ANKFN1: variants seen among roughly 807,000 people sequenced by gnomAD.
The protein encoded by ANKFN1 is ankyrin repeat and fibronectin type III domain containing 1.
ANKFN1 carries 74 observed loss-of-function variants against 108.7 expected under a neutral mutation model. The ratio of observed to expected loss-of-function variants is 0.68; its 90% confidence interval spans 0.56 to 0.83. The LOEUF (loss-of-function observed/expected upper bound fraction) is 0.83. ANKFN1 is among the 40% of genes least tolerant of loss of function. The pLI is 0.00. For synonymous variants in ANKFN1, 547 were observed against 516.2 expected (o/e 1.06, Z -0.81); for missense variants, 1,505 against 1,382.3 (o/e 1.09, Z -1.41).
chr17:56,413,573 C>T (rs2048157204), intron 8 of ANKFN1, among the ~76,000 whole-genome samples: 2 of 152,136 alleles, frequency 1.3e-5, no homozygotes, highest in South Asian at 2.1e-4. Flanking sequence ...TCATATTCAG[C>T]TCTTATTATT....
At chr17:56,084,137 G>A (rs750389645) in intron 4 of ANKFN1, among the ~76,000 whole-genome samples, 25 of 150,982 alleles carry the variant, frequency 1.7e-4, no homozygotes, top group Non-Finnish European at 7.4e-5. Context: ...GACTTCTATC[G>A]AAATTTCTCA....
At chr17:56,181,516 G>A (rs965965853) in intron 1 of ANKFN1, among the ~76,000 whole-genome samples, 4 of 152,110 alleles carry the variant, frequency 2.6e-5, no homozygotes, top group Non-Finnish European at 1.5e-5. Flanking sequence ...AAGATGACAC[G>A]ACAATAAGTG....
chr17:56,216,583 A>C (rs1240692421), intron 2 of ANKFN1, among the ~76,000 whole-genome samples: 1 of 152,226 alleles, frequency 6.6e-6, no homozygotes, highest in Non-Finnish European at 1.5e-5. Flanking sequence ...GCAGAAATCA[A>C]AGACCTTTCT....
chr17:56,271,920 A>T (rs1178768423), intron 3 of ANKFN1, among the ~76,000 whole-genome samples: 5 of 152,196 alleles, frequency 3.3e-5, no homozygotes, highest in Non-Finnish European at 7.4e-5. Context: ...GTTGTATAAT[A>T]TCAGATGTAT....
chr17:56,291,539 A>T (rs995415617), intron 3 of ANKFN1, among the ~76,000 whole-genome samples: 1 of 152,204 alleles, frequency 6.6e-6, no homozygotes. Flanking sequence ...GATGATTATG[A>T]TTCATCCCAG....
intron 2 of ANKFN1, among the ~76,000 whole-genome samples, chr17:56,212,931 A>C (rs1172735229): frequency 2.0e-5 from 3 of 152,186 alleles, no homozygotes; most frequent in Non-Finnish European, 4.4e-5. Flanking sequence ...GCCAGAAACT[A>C]AGACTGGCAT....
intron 4 of ANKFN1, among the ~76,000 whole-genome samples, chr17:56,130,415 G>T (rs1907208898): frequency 6.6e-6 from 1 of 151,960 alleles, no homozygotes; most frequent in African/African-American, 2.4e-5. Flanking sequence ...TATTTATTAG[G>T]TGATTATGGT....
At position 56,511,390 on chromosome 17, in the gene ANKFN1, CA is replaced by C. The variant is rs2051766604; in HGVS notation, c.*124del. 2 of 1,122,912 alleles carry C rather than the reference CA, an allele frequency of 1.8e-6. No homozygotes were observed. Among genetic ancestry groups the C allele is most frequent in the Admixed American group, 2.9e-5 (1 of 34,320 alleles). 69.6% of individuals were successfully genotyped at this position (1,122,912 alleles called of 1,614,324 possible). A position where few individuals can be genotyped will look rare whatever the true frequency, so the allele number is the denominator to read the frequency against. ...TCAAGCGTTTTGAATGTTATAAATA[CA>C]AAGGTTACAAGTTCAAGGTCCTCTT... On this transcript the variant is annotated 3_prime_UTR_variant, in exon 21 of 21. Coordinates refer to ENST00000682825, the MANE Select transcript of ANKFN1 (RefSeq NM_001370326.1).
chr17:56,364,562 C>T (rs1161715935), intron 6 of ANKFN1, among the ~76,000 whole-genome samples: 1 of 152,196 alleles, frequency 6.6e-6, no homozygotes, highest in Admixed American at 6.5e-5. Flanking sequence ...TCTTATGATG[C>T]CATGGGGCAA....
chr17:56,254,662 C>T (rs1252404779), intron 3 of ANKFN1, among the ~76,000 whole-genome samples: 2 of 152,162 alleles, frequency 1.3e-5, no homozygotes, highest in Non-Finnish European at 2.9e-5. Context: ...ATCAGAATCA[C>T]CAGGGAAGCT....
intron 3 of ANKFN1, among the ~76,000 whole-genome samples, chr17:56,290,505 G>T (rs1240962997): frequency 6.6e-6 from 1 of 152,106 alleles, no homozygotes; most frequent in Non-Finnish European, 1.5e-5. Context: ...TTGATGTAGT[G>T]ATTTAACCTT....
chr17:56,070,945 A>G (rs1307936338), intron 4 of ANKFN1, among the ~76,000 whole-genome samples: 2 of 152,112 alleles, frequency 1.3e-5, no homozygotes, highest in Admixed American at 6.5e-5. Flanking sequence ...CATGTTGGCC[A>G]GGATGGTCTC....
At chr17:56,459,055 A>T (rs1308184511) in intron 14 of ANKFN1, among the ~76,000 whole-genome samples, 1 of 152,152 alleles carries the variant, frequency 6.6e-6, no homozygotes, top group African/African-American at 2.4e-5. Flanking sequence ...GCTGTTTTGT[A>T]TGCTCAGTGA....
chr17:56,283,793 A>G (rs762917318), intron 3 of ANKFN1, among the ~76,000 whole-genome samples: 1 of 152,036 alleles, frequency 6.6e-6, no homozygotes, highest in Non-Finnish European at 1.5e-5. Flanking sequence ...TTCCGTGTAC[A>G]CTGCTCAGGT....
At chr17:56,047,422 CTG>C (rs1430721220) in intron 4 of ANKFN1, among the ~76,000 whole-genome samples, 1 of 152,124 alleles carries the variant, frequency 6.6e-6, no homozygotes, top group Non-Finnish European at 1.5e-5. Context: ...CTTTGAGCAG[CTG>C]TGTGTAATGA....
chr17:56,417,219 A>T lies in ANKFN1; in HGVS notation c.911-23108A>T, dbSNP rs1018967339. Among the ~76,000 whole-genome samples, 8 of 152,314 alleles carry T rather than the reference A, an allele frequency of 5.3e-5. No individual in the cohort carries two copies. In the East Asian group the frequency reaches 1.2e-3, roughly 22 times the overall value. Reference sequence around the variant, plus strand: ...ATGTTTAAAAATAACTAAGAGTATAATTGGATTGTTTGTAACACAAAGGAC... The same window carrying T: ...ATGTTTAAAAATAACTAAGAGTATATTTGGATTGTTTGTAACACAAAGGAC... On this transcript the variant is annotated intron_variant, in intron 8 of 20. Transcript: ENST00000682825.
chr17:56,311,473 T>G (rs2045024055), intron 3 of ANKFN1, among the ~76,000 whole-genome samples: 1 of 152,240 alleles, frequency 6.6e-6, no homozygotes, highest in South Asian at 2.1e-4. Flanking sequence ...TGCTACAAAC[T>G]ACCCTGAGTA....
chr17:56,242,494 A>G (rs576820153), intron 3 of ANKFN1, among the ~76,000 whole-genome samples: 1 of 152,208 alleles, frequency 6.6e-6, no homozygotes, highest in African/African-American at 2.4e-5. Flanking sequence ...TTATTTTGCT[A>G]TCTAGGAATA....
At chr17:56,252,600 A>T (rs1477213759) in intron 3 of ANKFN1, among the ~76,000 whole-genome samples, 1 of 151,604 alleles carries the variant, frequency 6.6e-6, no homozygotes, top group Non-Finnish European at 1.5e-5. Context: ...ACGTAGTGAG[A>T]CACCATCTCC....
Sources: gnomAD v4.1 joint callset for allele counts (sites outside exome capture counted in the v4.1 genomes callset) on GRCh38, gnomAD v4.1.1 for gene constraint, MANE v1.5 for transcripts, NCBI Gene and HGNC (gene_info 2026-07-23, HGNC 2026-07-21) for gene names.